RBFOX1: variants seen among roughly 807,000 people sequenced by gnomAD.
RBFOX1 encodes RNA binding protein fox-1 homolog 1.
RBFOX1 carries 8 observed loss-of-function variants against 57.7 expected under a neutral mutation model. The ratio of observed to expected loss-of-function variants is 0.14; its 90% CI spans 0.08 to 0.25. The LOEUF is 0.25. RBFOX1 is among the 10% of genes least tolerant of loss of function. RBFOX1 has a pLI of 1.00. For missense variants in RBFOX1, 611 were observed against 548.5 expected (o/e 1.11, Z -1.14); for synonymous variants, 326 against 222.4 (o/e 1.47, Z -4.15).
At chr16:7,026,700 A>C (rs2041058704) in intron 3 of RBFOX1, among the ~76,000 whole-genome samples, 1 of 152,156 alleles carries the variant, frequency 6.6e-6, no homozygotes. Flanking sequence ...CGGGTGACTT[A>C]CTGTGCCTCT....
intron 1 of RBFOX1, among the ~76,000 whole-genome samples, chr16:6,187,883 C>T (rs748489914): frequency 2.0e-5 from 3 of 152,130 alleles, no homozygotes; most frequent in Admixed American, 6.5e-5. Flanking sequence ...ATGTGTTAAC[C>T]TTAGAATGTT....
intron 1 of RBFOX1, among the ~76,000 whole-genome samples, chr16:5,268,588 A>G (rs1191014135): frequency 1.3e-5 from 2 of 152,198 alleles, no homozygotes; most frequent in African/African-American, 4.8e-5. Context: ...GATTTTTTTT[A>G]TGAGCAACTG....
intron 2 of RBFOX1, among the ~76,000 whole-genome samples, chr16:5,475,012 G>T (rs368797475): frequency 3.2e-4 from 48 of 152,236 alleles, no homozygotes; most frequent in African/African-American, 1.1e-3. Flanking sequence ...TGGTTCCGAT[G>T]GGTAGGCCTG....
intron 4 of RBFOX1, among the ~76,000 whole-genome samples, chr16:5,908,717 C>T (rs548156415): frequency 1.3e-5 from 2 of 152,054 alleles, no homozygotes; most frequent in Non-Finnish European, 2.9e-5. Context: ...TGCATATAAA[C>T]TCGTGGGCCC....
chr16:6,871,810 A>T (rs748422471), intron 3 of RBFOX1, among the ~76,000 whole-genome samples: 2 of 151,964 alleles, frequency 1.3e-5, no homozygotes, highest in Non-Finnish European at 2.9e-5. Flanking sequence ...AAATGTTGTC[A>T]GTGGCCCTCA....
At chr16:6,120,102 G>T (rs1307347672) in intron 1 of RBFOX1, among the ~76,000 whole-genome samples, 1 of 152,092 alleles carries the variant, frequency 6.6e-6, no homozygotes, top group African/African-American at 2.4e-5. Context: ...GAGCCATGTG[G>T]TAGCACACAT....
intron 1 of RBFOX1, among the ~76,000 whole-genome samples, chr16:6,250,028 C>G (rs953596027): frequency 3.1e-4 from 47 of 152,136 alleles, no homozygotes; most frequent in South Asian, 1.2e-3. Context: ...GTTCTTGCAG[C>G]TGACTAAGCA....
intron 1 of RBFOX1, among the ~76,000 whole-genome samples, chr16:5,364,235 T>C (rs562185671): frequency 6.6e-6 from 1 of 152,326 alleles, no homozygotes; most frequent in Admixed American, 6.5e-5. Flanking sequence ...TGCTAAGTTT[T>C]AACTTGGATG....
intron 4 of RBFOX1, among the ~76,000 whole-genome samples, chr16:7,416,550 C>T (rs1183449730): frequency 6.6e-6 from 1 of 152,056 alleles, no homozygotes; most frequent in East Asian, 1.9e-4. Flanking sequence ...AAGATCGGGG[C>T]TAATGTAAAA....
intron 1 of RBFOX1, among the ~76,000 whole-genome samples, chr16:6,126,879 G>C (rs2096593491): frequency 6.6e-6 from 1 of 152,174 alleles, no homozygotes; most frequent in Admixed American, 6.5e-5. Flanking sequence ...TGAGAAGCCA[G>C]CTTACAAAGA....
intron 2 of RBFOX1, among the ~76,000 whole-genome samples, chr16:5,597,022 A>G (rs2151197659): frequency 6.6e-6 from 1 of 152,324 alleles, no homozygotes; most frequent in East Asian, 1.9e-4. Context: ...AAAACTGCAA[A>G]AAGAGAAACA....
chr16:7,029,701 CTATAAT>C (rs2042299578), intron 3 of RBFOX1, among the ~76,000 whole-genome samples: 1 of 152,060 alleles, frequency 6.6e-6, no homozygotes, highest in Non-Finnish European at 1.5e-5. Flanking sequence ...CTGGGAGACT[CTATAAT>C]TATAGGGTGG....
At chr16:7,116,323 C>A (rs1344255495) in intron 4 of RBFOX1, among the ~76,000 whole-genome samples, 1 of 152,126 alleles carries the variant, frequency 6.6e-6, no homozygotes, top group Non-Finnish European at 1.5e-5. Context: ...GGAAAATTGT[C>A]CTCATGAGCA....
chr16:6,859,142 T>TATATATATAC (rs2058491073), intron 3 of RBFOX1, among the ~76,000 whole-genome samples: 1 of 54,528 alleles, frequency 1.8e-5, no homozygotes, highest in Admixed American at 2.4e-4. Flanking sequence ...TATATATACG[T>TATATATATAC]ATATATATAT....
chr16:6,708,304 ACT>A (rs1491520644), intron 3 of RBFOX1, among the ~76,000 whole-genome samples: 83 of 96,432 alleles, frequency 8.6e-4, no homozygotes, highest in East Asian at 2.5e-3. Flanking sequence ...ACACACACAC[ACT>A]CACACTCATT....
At chr16:5,721,399 T>G (rs901325430) in intron 3 of RBFOX1, among the ~76,000 whole-genome samples, 1 of 152,154 alleles carries the variant, frequency 6.6e-6, no homozygotes, top group African/African-American at 2.4e-5. Flanking sequence ...GTTCAAGATC[T>G]TGTTGTCTGC....
intron 4 of RBFOX1, among the ~76,000 whole-genome samples, chr16:7,266,518 C>T (rs937179331): frequency 2.0e-5 from 3 of 152,166 alleles, no homozygotes; most frequent in African/African-American, 7.2e-5. Flanking sequence ...TTCTTTACAG[C>T]AATGCAAGAA....
intron 1 of RBFOX1, among the ~76,000 whole-genome samples, chr16:5,333,103 G>A (rs1341707960): frequency 6.6e-6 from 1 of 152,120 alleles, no homozygotes; most frequent in Non-Finnish European, 1.5e-5. Flanking sequence ...CAGGAGAATC[G>A]CTTGAACCCA....
chr16:7,226,122 T>C (rs1033946188), intron 4 of RBFOX1, among the ~76,000 whole-genome samples: 69 of 152,198 alleles, frequency 4.5e-4, no homozygotes, highest in Admixed American at 5.2e-4. Context: ...CACTTTGTCT[T>C]GACCAGGAGA....
Sources: allele counts gnomAD v4.1 joint callset (sites outside exome capture counted in the v4.1 genomes callset), GRCh38; gene constraint gnomAD v4.1.1; transcripts MANE v1.5; gene names NCBI Gene and HGNC (gene_info 2026-07-23, HGNC 2026-07-21).